PTCD1: variants seen among roughly 807,000 people sequenced by gnomAD.
PTCD1 encodes pentatricopeptide repeat-containing protein 1, mitochondrial.
Under a neutral mutation model 53.4 loss-of-function variants are expected in PTCD1, and 50 were observed. The observed-to-expected ratio is 0.94, with a 90% CI of 0.75 to 1.19. The LOEUF (loss-of-function observed/expected upper bound fraction) is 1.19. Among genes scored for constraint, PTCD1 ranks in the 50% most tolerant of loss-of-function variants. PTCD1 has a pLI of 0.00. For synonymous variants in PTCD1, 413 were observed against 394.8 expected (o/e 1.05, Z -0.55); for missense variants, 918 against 904.8 (o/e 1.01, Z -0.19).
chr7:99,426,117 C>G (rs1796004367), intron 5 of PTCD1, among the ~76,000 whole-genome samples: 1 of 150,324 alleles, frequency 6.7e-6, no homozygotes, highest in African/African-American at 2.4e-5. Context: ...CTCCCTCTCC[C>G]TCTCCCCCTC....
intron 3 of PTCD1, among the ~76,000 whole-genome samples, chr7:99,430,786 A>T (rs1198410579): frequency 6.6e-6 from 1 of 152,222 alleles, no homozygotes; most frequent in African/African-American, 2.4e-5. Flanking sequence ...AAAAACAGTA[A>T]CAAGGCTGGG....
chr7:99,427,291 T>C (rs1796079144), intron 5 of PTCD1, among the ~76,000 whole-genome samples: 12 of 125,470 alleles, frequency 9.6e-5, no homozygotes, highest in Admixed American at 8.9e-4. Flanking sequence ...TAGCACCCCG[T>C]CCAGGAGGGA....
In PTCD1 at chr7:99,419,033, G is replaced by A. The variant is rs1158293918; in HGVS notation, c.*934C>T. ...AGTGTACCAGCCCAGAGGCCCCCCT[G>A]AAGTCCCCAAACAGTAGCAGAGCCA... On this transcript the variant is annotated 3_prime_UTR_variant, in exon 8 of 8. Coordinates refer to ENST00000292478, the MANE Select transcript of PTCD1 (RefSeq NM_015545.4). 1.8e-5 allele frequency: 5 copies of A among 279,216 alleles called. No individual in the cohort carries two copies. Among genetic ancestry groups the A allele is most frequent in the Admixed American group, 4.9e-5 (1 of 20,564 alleles). The allele number at this position is 279,216 out of a possible 1,614,324, so 17.3% of individuals were successfully genotyped here. A position where few individuals can be genotyped will look rare whatever the true frequency, so the allele number is the denominator to read the frequency against.
In PTCD1 at chr7:99,417,571, C is replaced by T. The variant is rs554222945; in HGVS notation, c.*2396G>A. Reference sequence around the variant, plus strand: ...ACTTCGGGACGAACTGCATCTGCCGCGTGCCCAAAAGCAAGCTGGAAGTGG... The same window carrying T: ...ACTTCGGGACGAACTGCATCTGCCGTGTGCCCAAAAGCAAGCTGGAAGTGG... On this transcript the variant is annotated 3_prime_UTR_variant, in exon 8 of 8. Transcript: ENST00000292478. 69 of 1,612,814 alleles carry T rather than the reference C, an allele frequency of 4.3e-5. No individual in the cohort carries two copies. In the Middle Eastern group the frequency reaches 6.6e-4, roughly 15 times the overall value.
rs776814037 is a variant in PTCD1, at chr7:99,425,366, A to C, written c.1166T>G (p.Phe389Cys). 2 of 1,614,176 alleles carry C rather than the reference A, an allele frequency of 1.2e-6. No homozygotes were observed. The highest frequency in any genetic ancestry group is 2.2e-5 in the South Asian group (2 of 91,088). ...LHVEALERQL[F>C]LEPSQALGPP... ...CCCAAGTGCCTGAGAAGGTTCCAGA[A>C]ACAGCTGCCTCTCCAGGGCCTCCAC... The change falls in exon 6 of 8, where the codon TTT (phenylalanine) becomes TGT (cysteine). Residue 389 changes from phenylalanine (F) to cysteine (C), a missense_variant. Phe to Cys is a radical substitution (Grantham distance 205). Transcript: ENST00000292478.
chr7:99,431,187 G>A (rs1238389543), intron 3 of PTCD1, among the ~76,000 whole-genome samples: 5 of 151,756 alleles, frequency 3.3e-5, no homozygotes, highest in South Asian at 2.1e-4. Context: ...GTGCAGTGGC[G>A]TGATCTCGGC....
intron 3 of PTCD1, 32 bp from the exon 4 acceptor site, chr7:99,429,838 C>G: frequency 2.5e-6 from 4 of 1,612,186 alleles, no homozygotes; most frequent in Non-Finnish European, 3.4e-6. Flanking sequence ...AGTGGTGGCC[C>G]GGGATCAGCT....
At chr7:99,422,486 T>C (rs1795861552) in intron 7 of PTCD1, among the ~76,000 whole-genome samples, 1 of 152,222 alleles carries the variant, frequency 6.6e-6, no homozygotes, top group Non-Finnish European at 1.5e-5. Context: ...TCCATGACTC[T>C]GCCCTGCTCC....
rs774625404 is a variant in PTCD1 at position 99,417,694 on chromosome 7, G to A, written c.*2273C>T. ...TGTTATTTGGTTGGGCTGGAATGTCGTTTTGTCCCTGGATGTCCTGCTGGC... is the reference window on the plus strand; with the variant it reads ...TGTTATTTGGTTGGGCTGGAATGTCATTTTGTCCCTGGATGTCCTGCTGGC... On this transcript the variant is annotated 3_prime_UTR_variant, in exon 8 of 8. Coordinates refer to ENST00000292478, the MANE Select transcript of PTCD1 (RefSeq NM_015545.4). 1.1e-4 allele frequency: 175 copies of A among 1,555,550 alleles called. No individual in the cohort carries two copies. The South Asian group carries it at 1.6e-3, about 14-fold the overall frequency.
Position 99,416,877 on chromosome 7 carries a change from C to T in PTCD1, c.*3090G>A, listed in dbSNP as rs548906565. 1 of 165,118 alleles carries T rather than the reference C, an allele frequency of 6.1e-6. No individual in the cohort carries two copies. The highest frequency in any genetic ancestry group is 1.5e-4 in the South Asian group (1 of 6,846). The allele number at this position is 165,118 out of a possible 1,614,324, so 10.2% of individuals were successfully genotyped here. On this transcript the variant is annotated 3_prime_UTR_variant, in exon 8 of 8. Transcript: ENST00000292478. ...CTGTGACTACAGGTGTGCACCACCACACCCAGCTAATTTTTAAATTTTTTG... is the reference window on the plus strand; with the variant it reads ...CTGTGACTACAGGTGTGCACCACCATACCCAGCTAATTTTTAAATTTTTTG...
At chr7:99,427,149 C>T (rs1369672836) in intron 5 of PTCD1, among the ~76,000 whole-genome samples, 1 of 148,626 alleles carries the variant, frequency 6.7e-6, no homozygotes, top group African/African-American at 2.5e-5. Context: ...GCCCCCCACC[C>T]GGCCAGCCGC....
rs1796330133 is a variant in PTCD1 at position 99,433,176 on chromosome 7, G to A, written c.594+102C>T. The A allele has an allele frequency of 1.9e-6, 3 of 1,576,810 alleles. No homozygotes were observed. In the Admixed American group the frequency reaches 5.0e-5, roughly 26 times the overall value. On this transcript the variant is annotated intron_variant, in intron 3 of 7. Transcript: ENST00000292478. ...AGGAGATGACTCTGAGGCCAGGGAG[G>A]TGAAGTCACCTGCCCAGTGTAAAGC...
chr7:99,424,704 G>C lies in PTCD1; in HGVS notation c.1737+91C>G, dbSNP rs990597698. 11 of 1,497,630 alleles carry C rather than the reference G, an allele frequency of 7.3e-6. No homozygotes were observed. In the African/African-American group the frequency reaches 8.3e-5, roughly 11 times the overall value. 92.8% of individuals were successfully genotyped at this position (1,497,630 alleles called of 1,614,324 possible). ...CATGCACAGTTCATCCTCTCCAGGT[G>C]GGGGGTCTGCAGACCCCTCAAACTT... On this transcript the variant is annotated intron_variant, in intron 6 of 7. Transcript: ENST00000292478.
Position 99,417,937 on chromosome 7 carries a change from C to T in PTCD1, c.*2030G>A. The T allele has an allele frequency of 8.0e-7, 1 of 1,256,670 alleles. No homozygotes were observed. The highest frequency in any genetic ancestry group is 1.5e-5 in the South Asian group (1 of 64,696). 77.8% of individuals were successfully genotyped at this position (1,256,670 alleles called of 1,614,324 possible). A position where few individuals can be genotyped will look rare whatever the true frequency, so the allele number is the denominator to read the frequency against. On this transcript the variant is annotated 3_prime_UTR_variant, in exon 8 of 8. Transcript: ENST00000292478. ...CCAGTGAGTTCCTGTCCCTTTCAGT[C>T]CTCACAGTGATACTTTAACATTACC... is the stretch of plus-strand genomic sequence containing the variant.
In PTCD1 at chr7:99,435,310, T is replaced by C. The variant is rs776962380; in HGVS notation, c.-26-42A>G. 3 of 1,596,072 alleles carry C rather than the reference T, an allele frequency of 1.9e-6. No individual in the cohort carries two copies. In the South Asian group the frequency reaches 3.3e-5, roughly 18 times the overall value. ...AAAATAAGAGAGTCAACTCAGTTCC[T>C]AGTAACAAAAGGCAGAAAGAAAGAA... is the stretch of plus-strand genomic sequence containing the variant. On this transcript the variant is annotated intron_variant, in intron 1 of 7. Transcript: ENST00000292478.
chr7:99,436,965 AG>A (rs1796490841), intron 1 of PTCD1, among the ~76,000 whole-genome samples: 2 of 152,336 alleles, frequency 1.3e-5, no homozygotes, highest in African/African-American at 4.8e-5. Context: ...CCTGGGCTCA[AG>A]TGATCCTCCT....
In PTCD1 at chr7:99,417,836, CCT is replaced by C; in HGVS notation, c.*2129_*2130del. ...CCACTTTTGGGCAAATTACTGAACC[CCT>C]TTCCTCACTTAGGAAATGGTGGTGG... On this transcript the variant is annotated 3_prime_UTR_variant, in exon 8 of 8. Coordinates refer to ENST00000292478, the MANE Select transcript of PTCD1 (RefSeq NM_015545.4). 3.4e-6 allele frequency: 5 copies of C among 1,458,932 alleles called. No individual in the cohort carries two copies. In the South Asian group the frequency reaches 6.7e-5, roughly 20 times the overall value. 90.4% of individuals were successfully genotyped at this position (1,458,932 alleles called of 1,614,324 possible).
intron 1 of PTCD1, chr7:99,438,470 A>T (rs1796583907): frequency 9.4e-7 from 1 of 1,060,028 alleles, no homozygotes; most frequent in South Asian, 2.1e-5. Flanking sequence ...ACCCTGAATT[A>T]GAGACACGCT....
chr7:99,426,149 TCCCTC>T (rs1796008984), intron 5 of PTCD1, among the ~76,000 whole-genome samples: 3 of 121,036 alleles, frequency 2.5e-5, no homozygotes, highest in African/African-American at 9.7e-5. Context: ...GGTCTCCCTC[TCCCTC>T]TCCCTCTCCC....
Sources: gnomAD v4.1 joint callset for allele counts (sites outside exome capture counted in the v4.1 genomes callset) on GRCh38, gnomAD v4.1.1 for gene constraint, MANE v1.5 for transcripts, NCBI Gene and HGNC (gene_info 2026-07-23, HGNC 2026-07-21) for gene names.